SGCZ: variants seen among roughly 807,000 people sequenced by gnomAD.
SGCZ encodes the protein sarcoglycan zeta.
In SGCZ, 40 loss-of-function variants were observed where a neutral mutation model predicts 41.3. The observed-to-expected ratio is 0.97, with a 90% CI of 0.75 to 1.26. SGCZ has a LOEUF of 1.26. Ranked by LOEUF, SGCZ falls within the 50% of genes most tolerant of loss-of-function variation. SGCZ has a pLI of 0.00. For missense variants in SGCZ, 552 were observed against 369.8 expected (o/e 1.49, Z -4.04); for synonymous variants, 206 against 137.5 (o/e 1.50, Z -3.49).
At chr8:14,742,384 TC>T (rs1799220108) in intron 1 of SGCZ, among the ~76,000 whole-genome samples, 1 of 152,120 alleles carries the variant, frequency 6.6e-6, no homozygotes, top group African/African-American at 2.4e-5. Context: ...CAACAAAAAT[TC>T]AGTCTTATTG....
chr8:15,034,341 T>A (rs1803792991), intron 1 of SGCZ, among the ~76,000 whole-genome samples: 1 of 151,882 alleles, frequency 6.6e-6, no homozygotes, highest in Non-Finnish European at 1.5e-5. Flanking sequence ...AGAGAAAGCA[T>A]CACTAGCAGA....
At chr8:14,286,986 C>T (rs1047135330) in intron 3 of SGCZ, among the ~76,000 whole-genome samples, 1 of 151,846 alleles carries the variant, frequency 6.6e-6, no homozygotes, top group African/African-American at 2.4e-5. Context: ...TTTTTTTCCC[C>T]TACTTGTGCA....
intron 1 of SGCZ, among the ~76,000 whole-genome samples, chr8:15,158,947 A>C (rs1353064795): frequency 6.6e-6 from 1 of 152,220 alleles, no homozygotes; most frequent in Non-Finnish European, 1.5e-5. Flanking sequence ...GTTTCCTGAT[A>C]TACAACTCCT....
chr8:14,555,156 T>C (rs569322931), intron 1 of SGCZ, among the ~76,000 whole-genome samples: 1 of 152,150 alleles, frequency 6.6e-6, no homozygotes, highest in South Asian at 2.1e-4. Flanking sequence ...ACAATATATA[T>C]ATTATTTCCA....
chr8:14,838,830 C>T (rs1451719267), intron 1 of SGCZ, among the ~76,000 whole-genome samples: 3 of 152,074 alleles, frequency 2.0e-5, no homozygotes, highest in East Asian at 3.9e-4. Context: ...CAAAACAGTT[C>T]CTCCGGACTG....
chr8:14,817,319 G>A (rs2130556594), intron 1 of SGCZ, among the ~76,000 whole-genome samples: 1 of 152,198 alleles, frequency 6.6e-6, no homozygotes, highest in South Asian at 2.1e-4. Context: ...GATCTCCGGT[G>A]GTCATCACTA....
chr8:15,189,144 A>G (rs547380704), intron 1 of SGCZ, among the ~76,000 whole-genome samples: 5 of 152,306 alleles, frequency 3.3e-5, no homozygotes, highest in Non-Finnish European at 5.9e-5. Flanking sequence ...ATATAGATCA[A>G]TCTGCATTTC....
At chr8:15,193,070 G>C (rs1431207975) in intron 1 of SGCZ, among the ~76,000 whole-genome samples, 4 of 151,896 alleles carry the variant, frequency 2.6e-5, no homozygotes, top group African/African-American at 9.7e-5. Context: ...TGGAAATGAG[G>C]GTATAGTTGT....
At chr8:14,766,674 A>C (rs1325630389) in intron 1 of SGCZ, among the ~76,000 whole-genome samples, 1 of 148,290 alleles carries the variant, frequency 6.7e-6, no homozygotes, top group Non-Finnish European at 1.5e-5. Context: ...CGATTCTTTC[A>C]CCGCAGCCTC....
intron 4 of SGCZ, among the ~76,000 whole-genome samples, chr8:14,225,849 G>A (rs1461319294): frequency 6.6e-6 from 1 of 151,958 alleles, no homozygotes; most frequent in Non-Finnish European, 1.5e-5. Context: ...TCAATAAGAA[G>A]GCTTGAGTTA....
At chr8:14,387,605 GCTTT>G (rs1804621344) in intron 2 of SGCZ, among the ~76,000 whole-genome samples, 1 of 151,898 alleles carries the variant, frequency 6.6e-6, no homozygotes, top group African/African-American at 2.4e-5. Context: ...GTGATATTTT[GCTTT>G]ATTTTAAATG....
At chr8:14,945,328 G>C (rs117372611) in intron 1 of SGCZ, among the ~76,000 whole-genome samples, 7,401 of 152,138 alleles carry the variant, frequency 0.049, 242 homozygotes, top group Admixed American at 0.078. Flanking sequence ...TTGTCAAATA[G>C]TAGTCTTTCC....
intron 1 of SGCZ, among the ~76,000 whole-genome samples, chr8:15,224,243 A>G (rs1274709791): frequency 1.3e-5 from 2 of 152,228 alleles, no homozygotes; most frequent in African/African-American, 4.8e-5. Context: ...ATAAAGATTC[A>G]GGAAAGTCAT....
rs1363820124 is a variant in SGCZ at position 14,793,799 on chromosome 8, G to T, written c.40-238873C>A. ...GGTTGTCTACTTCTCTTTCACCTTG[G>T]CAGAAGTCTAGAGATTTTCTATTTG... On this transcript the variant is annotated intron_variant, in intron 1 of 7. Transcript: ENST00000382080. 3.9e-5 allele frequency among the ~76,000 whole-genome samples: 6 copies of T among 152,062 alleles called. No homozygotes were observed. In the East Asian group the frequency reaches 1.2e-3, roughly 29 times the overall value.
At chr8:14,438,238 G>T (rs1563329138) in intron 2 of SGCZ, among the ~76,000 whole-genome samples, 1 of 151,910 alleles carries the variant, frequency 6.6e-6, no homozygotes, top group East Asian at 1.9e-4. Flanking sequence ...AGATGATTAA[G>T]TTCTAAAAGG....
chr8:14,431,563 C>G (rs1341391752), intron 2 of SGCZ, among the ~76,000 whole-genome samples: 1 of 152,164 alleles, frequency 6.6e-6, no homozygotes, highest in African/African-American at 2.4e-5. Context: ...GAACTTCCAT[C>G]TAAGACTTGA....
chr8:15,170,692 G>A (rs1799801542), intron 1 of SGCZ, among the ~76,000 whole-genome samples: 2 of 152,126 alleles, frequency 1.3e-5, no homozygotes, highest in African/African-American at 4.8e-5. Flanking sequence ...AGTGTTTTAT[G>A]CAGAATAGTC....
intron 3 of SGCZ, among the ~76,000 whole-genome samples, chr8:14,243,711 G>C (rs572770477): frequency 6.6e-6 from 1 of 151,950 alleles, no homozygotes; most frequent in Non-Finnish European, 1.5e-5. Context: ...TCTTATCCAT[G>C]TCTCTTTATC....
intron 1 of SGCZ, among the ~76,000 whole-genome samples, chr8:14,935,545 A>C (rs1800057469): frequency 6.6e-6 from 1 of 151,862 alleles, no homozygotes; most frequent in South Asian, 2.1e-4. Flanking sequence ...GAGATAAAGT[A>C]CTCTTAAGAT....
Sources: allele counts gnomAD v4.1 joint callset (sites outside exome capture counted in the v4.1 genomes callset), GRCh38; gene constraint gnomAD v4.1.1; transcripts MANE v1.5; gene names NCBI Gene and HGNC (gene_info 2026-07-23, HGNC 2026-07-21).